The following TRIM34 variants were observed in gnomAD, a reference collection of about 807,000 sequenced individuals.
TRIM34 encodes E3 ubiquitin-protein ligase TRIM34.
A neutral mutation model predicts 38.1 loss-of-function variants in TRIM34; 41 were observed. The observed-to-expected ratio is 1.08, with a 90% confidence interval of 0.84 to 1.40. The LOEUF (loss-of-function observed/expected upper bound fraction) is 1.40, where lower values mean the gene tolerates loss of function less well. Ranked by LOEUF, TRIM34 falls within the 40% of genes most tolerant of loss-of-function variation. The pLI is 0.00. For synonymous variants in TRIM34, 200 were observed against 202.5 expected (o/e 0.99, Z 0.10); for missense variants, 556 against 571.4 (o/e 0.97, Z 0.27).
chr11:5,632,726 T>G lies in TRIM34; in HGVS notation c.395T>G (p.Leu132Arg), dbSNP rs745360870. 7.5e-6 allele frequency: 12 copies of G among 1,607,738 alleles called. No individual in the cohort carries two copies. The African/African-American group carries it at 1.4e-4, about 18-fold the overall frequency. Residue 132 changes from leucine (L) to arginine (R), a missense_variant, in exon 2 of 8, where the codon CTC (leucine) becomes CGC (arginine). By Grantham distance (102) the Leu-to-Arg change is moderately radical. Coordinates refer to ENST00000429814, the MANE Select transcript of TRIM34 (RefSeq NM_021616.6). ...SQEHRGHHTV[L>R]TEEVFKECQE... The stretch of plus-strand genomic sequence containing the variant: ...GAGCACCGTGGTCACCACACAGTCC[T>G]CACGGAGGAAGTATTCAAGGAATGT...
chr11:5,635,395 C>T (rs908435073), intron 4 of TRIM34, among the ~76,000 whole-genome samples: 9 of 151,952 alleles, frequency 5.9e-5, no homozygotes, highest in Non-Finnish European at 2.9e-5. Context: ...GCTGGGACTA[C>T]AGGCACCCAC....
upstream of TRIM34, among the ~76,000 whole-genome samples, chr11:5,621,925 C>T (rs557571765): frequency 7.9e-4 from 120 of 152,248 alleles, 3 homozygotes; most frequent in South Asian, 0.023. Flanking sequence ...AAAATGTATA[C>T]AACCAAGTTG....
intron 2 of TRIM34, among the ~76,000 whole-genome samples, chr11:5,633,522 G>C (rs1394540075): frequency 6.6e-6 from 1 of 152,192 alleles, no homozygotes; most frequent in African/African-American, 2.4e-5. Flanking sequence ...AATGAGGAAA[G>C]AGCATTGATA....
intron 4 of TRIM34, among the ~76,000 whole-genome samples, chr11:5,640,694 T>G (rs960610138): frequency 1.3e-5 from 2 of 152,194 alleles, no homozygotes; most frequent in Admixed American, 1.3e-4. Flanking sequence ...TGCTCTTCTT[T>G]ATTTTTGAAA....
intron 5 of TRIM34, among the ~76,000 whole-genome samples, chr11:5,642,005 C>T (rs9633901): frequency 0.29 from 43,759 of 151,962 alleles, 7,079 homozygotes; most frequent in East Asian, 0.62. Flanking sequence ...CTCAGAATAC[C>T]ACATCTCTGG....
upstream of TRIM34, among the ~76,000 whole-genome samples, chr11:5,623,172 G>A (rs1375099211): frequency 2.3e-5 from 3 of 130,580 alleles, no homozygotes; most frequent in Non-Finnish European, 4.7e-5. Context: ...AGCCAGGTTT[G>A]CCCTAACCAG....
intron 4 of TRIM34, among the ~76,000 whole-genome samples, chr11:5,638,769 C>T (rs1849855523): frequency 1.3e-5 from 2 of 152,124 alleles, no homozygotes; most frequent in African/African-American, 4.8e-5. Flanking sequence ...AGTATTGTAC[C>T]TGTACAGAAT....
At chr11:5,638,457 C>A (rs948527598) in intron 4 of TRIM34, among the ~76,000 whole-genome samples, 5 of 152,002 alleles carry the variant, frequency 3.3e-5, no homozygotes, top group African/African-American at 1.2e-4. Flanking sequence ...ATACAGAGAG[C>A]AAAACCATTT....
At chr11:5,620,373 T>C (rs892405289), upstream of TRIM34, among the ~76,000 whole-genome samples, 5 of 151,596 alleles carry the variant, frequency 3.3e-5, no homozygotes, top group Admixed American at 2.0e-4. Flanking sequence ...GAGACGGGGT[T>C]TCACCATGTT....
intron 1 of TRIM34, among the ~76,000 whole-genome samples, chr11:5,630,911 T>C (rs1412824812): frequency 2.0e-5 from 3 of 152,228 alleles, no homozygotes; most frequent in African/African-American, 7.2e-5. Context: ...GAAGATAATA[T>C]GTCTTCAGTG....
chr11:5,636,923 G>T (rs1849760199), intron 4 of TRIM34, among the ~76,000 whole-genome samples: 11 of 152,176 alleles, frequency 7.2e-5, no homozygotes, highest in Admixed American at 7.2e-4. Flanking sequence ...GAGGTGGGTG[G>T]ATCACGAGGT....
intron 3 of TRIM34, among the ~76,000 whole-genome samples, chr11:5,634,394 A>G (rs1249252029): frequency 6.6e-6 from 1 of 151,710 alleles, no homozygotes; most frequent in Non-Finnish European, 1.5e-5. Flanking sequence ...CTTCCCTCCA[A>G]GTACCTCTAT....
intron 1 of TRIM34, among the ~76,000 whole-genome samples, chr11:5,625,624 TTC>T (rs1201069635): frequency 6.6e-6 from 1 of 152,166 alleles, no homozygotes; most frequent in Non-Finnish European, 1.5e-5. Context: ...TCCTCACGTA[TTC>T]TTAGTCCTTG....
At chr11:5,638,914 T>C (rs1267146157) in intron 4 of TRIM34, among the ~76,000 whole-genome samples, 1 of 152,196 alleles carries the variant, frequency 6.6e-6, no homozygotes, top group Non-Finnish European at 1.5e-5. Context: ...CAAAGTTTTT[T>C]TTTTCTGGTG....
chr11:5,630,489 G>C (rs548527942), intron 1 of TRIM34, among the ~76,000 whole-genome samples: 1 of 152,328 alleles, frequency 6.6e-6, no homozygotes, highest in South Asian at 2.1e-4. Context: ...CTAGGCTCAT[G>C]TGAGGCCAAG....
At chr11:5,620,645 A>T (rs1049669282), upstream of TRIM34, among the ~76,000 whole-genome samples, 1 of 151,010 alleles carries the variant, frequency 6.6e-6, no homozygotes, top group Non-Finnish European at 1.5e-5. Flanking sequence ...CTGCCCAGCT[A>T]AGTCTCCATT....
intron 1 of TRIM34, among the ~76,000 whole-genome samples, chr11:5,628,049 T>C (rs1849319044): frequency 1.3e-5 from 2 of 152,238 alleles, no homozygotes; most frequent in South Asian, 4.1e-4. Flanking sequence ...TTCCCTTCTC[T>C]ACCTCCCTGA....
chr11:5,632,811 A>ACCTTTTC (rs1849537521), intron 2 of TRIM34, 57 bp downstream of exon 2: 1 of 1,266,734 alleles, frequency 7.9e-7, no homozygotes, highest in Admixed American at 3.3e-5. Flanking sequence ...GGAAAATCTC[A>ACCTTTTC]CCTTTTCATC....
In TRIM34 at chr11:5,643,339, A is replaced by G. The variant is rs781037595; in HGVS notation, c.1097A>G (p.Tyr366Cys). The change falls in exon 8 of 8, where the codon TAC (tyrosine) becomes TGC (cysteine). Residue 366 changes from tyrosine to cysteine, a missense_variant. Coordinates refer to ENST00000429814, the MANE Select transcript of TRIM34 (RefSeq NM_021616.6). Reference sequence around the variant, plus strand: ...AAAACTGCCTGGATCCTGGGGGTATACTGTAGAACATATTCCCGCCATATG... The same window carrying G: ...AAAACTGCCTGGATCCTGGGGGTATGCTGTAGAACATATTCCCGCCATATG... ...SKKTAWILGVYCRTYSRHMKY... is the reference protein window; with the variant it reads ...SKKTAWILGVCCRTYSRHMKY... 1 of 1,613,832 alleles carries G rather than the reference A, an allele frequency of 6.2e-7. No individual in the cohort carries two copies. Among genetic ancestry groups the G allele is most frequent in the African/African-American group, 1.3e-5 (1 of 74,902 alleles).
Sources: allele counts gnomAD v4.1 joint callset (sites outside exome capture counted in the v4.1 genomes callset), GRCh38; gene constraint gnomAD v4.1.1; transcripts MANE v1.5; gene names NCBI Gene and HGNC (gene_info 2026-07-23, HGNC 2026-07-21).